Variants in PCDH15 observed in about 807,000 individuals in gnomAD.
The protein encoded by PCDH15 is protocadherin related 15.
PCDH15 carries 129 observed loss-of-function variants against 178.5 expected under a neutral mutation model. The observed-to-expected ratio is 0.72, with a 90% CI of 0.63 to 0.84. The LOEUF (loss-of-function observed/expected upper bound fraction) is 0.84, where lower values mean the gene tolerates loss of function less well. Among genes scored for constraint, PCDH15 ranks in the 40% least tolerant of loss-of-function variants. The probability of loss-of-function intolerance (pLI) is 0.00; values close to 1 mark genes in which losing one functional copy is unlikely to be tolerated. For missense variants in PCDH15, 2,230 were observed against 2,099.9 expected (o/e 1.06, Z -1.21); for synonymous variants, 800 against 732.0 (o/e 1.09, Z -1.50).
At chr10:54,309,716 A>G (rs2060783391) in intron 8 of PCDH15, among the ~76,000 whole-genome samples, 1 of 152,030 alleles carries the variant, frequency 6.6e-6, no homozygotes, top group African/African-American at 2.4e-5. Flanking sequence ...GAATCACTTG[A>G]ACACAGGAGG....
intron 2 of PCDH15, among the ~76,000 whole-genome samples, chr10:54,942,277 A>G (rs1838082451): frequency 6.6e-6 from 1 of 152,044 alleles, no homozygotes; most frequent in African/African-American, 2.4e-5. Flanking sequence ...ATGCTTTGCC[A>G]TTCTGAGGGA....
At chr10:54,465,631 C>T (rs2077467732) in intron 3 of PCDH15, among the ~76,000 whole-genome samples, 1 of 151,736 alleles carries the variant, frequency 6.6e-6, no homozygotes, top group Non-Finnish European at 1.5e-5. Context: ...TCTTCTTTAC[C>T]CATTTGTTGG....
intron 5 of PCDH15, among the ~76,000 whole-genome samples, chr10:54,367,299 C>G (rs565789750): frequency 1.3e-5 from 2 of 151,882 alleles, no homozygotes; most frequent in Admixed American, 6.6e-5. Context: ...CTTTTGACAC[C>G]CGACAATAAT....
chr10:54,002,647 A>C (rs533155243), intron 20 of PCDH15, among the ~76,000 whole-genome samples: 1 of 152,320 alleles, frequency 6.6e-6, no homozygotes, highest in African/African-American at 2.4e-5. Flanking sequence ...ACCAAATGAT[A>C]ATGAAAATAC....
At chr10:55,541,571 T>G (rs1170714843) in intron 2 of PCDH15, among the ~76,000 whole-genome samples, 1 of 151,942 alleles carries the variant, frequency 6.6e-6, no homozygotes, top group Non-Finnish European at 1.5e-5. Context: ...TTTATATTAT[T>G]CTTTAGAAAA....
intron 3 of PCDH15, among the ~76,000 whole-genome samples, chr10:54,889,553 C>T (rs953898416): frequency 6.8e-5 from 10 of 146,030 alleles, no homozygotes; most frequent in Non-Finnish European, 1.4e-4. Flanking sequence ...AGTACAGAGG[C>T]TCTTTAATTC....
chr10:55,235,571 A>G (rs529037081), intron 1 of PCDH15, among the ~76,000 whole-genome samples: 2 of 152,148 alleles, frequency 1.3e-5, no homozygotes, highest in East Asian at 3.9e-4. Context: ...CTATGCTCAC[A>G]TTGCCCAAAC....
In PCDH15 at chr10:54,936,716, G is replaced by GT. The variant is rs113034733; in HGVS notation, c.-79-39217dup. Among the ~76,000 whole-genome samples, 615 of 140,290 alleles carry GT rather than the reference G, an allele frequency of 4.4e-3. 1 individual carries two copies. Among genetic ancestry groups the GT allele is most frequent in the African/African-American group, 0.012 (479 of 38,394 alleles). 92.0% of individuals were successfully genotyped at this position (140,290 alleles called of 152,430 possible). ...TATTACTTTTTTGCACATTTTTATTGTTTTTTTTTTTAGTTTTTAGTTTTA... is the reference window on the plus strand; with the variant it reads ...TATTACTTTTTTGCACATTTTTATTGTTTTTTTTTTTTAGTTTTTAGTTTTA... On this transcript the variant is annotated intron_variant, in intron 2 of 5. Coordinates refer to the PCDH15 transcript ENST00000458638.
In PCDH15 at chr10:54,981,978, T is replaced by C. The variant is rs559425095; in HGVS notation, c.-79-84478A>G. Among the ~76,000 whole-genome samples, 5 of 152,032 alleles carry C rather than the reference T, an allele frequency of 3.3e-5. No individual in the cohort carries two copies. The South Asian group carries it at 8.3e-4, about 25-fold the overall frequency. On this transcript the variant is annotated intron_variant, in intron 2 of 5. Coordinates refer to the PCDH15 transcript ENST00000458638. ...ATAGAAGAGACTTCACTTTGTTGAT[T>C]AGGCTCTTCTCAAACTTCTAGGCTC...
chr10:54,517,944 C>T (rs1201802026), intron 3 of PCDH15, among the ~76,000 whole-genome samples: 1 of 152,158 alleles, frequency 6.6e-6, no homozygotes, highest in Admixed American at 6.6e-5. Flanking sequence ...AACTGAACAA[C>T]CTGCTCCTGA....
At chr10:54,853,422 T>TATATATACACATACAC (rs1953677939) in intron 3 of PCDH15, among the ~76,000 whole-genome samples, 3 of 138,292 alleles carry the variant, frequency 2.2e-5, no homozygotes, top group Non-Finnish European at 4.6e-5. Flanking sequence ...TACACATACA[T>TATATATACACATACAC]ATATATATAC....
At chr10:54,587,545 A>AG (rs2091579138) in intron 2 of PCDH15, among the ~76,000 whole-genome samples, 1 of 151,834 alleles carries the variant, frequency 6.6e-6, no homozygotes, top group African/African-American at 2.4e-5. Context: ...AAAAAAAAAA[A>AG]GACTTACATT....
chr10:54,091,602 A>G (rs7080752), intron 15 of PCDH15, among the ~76,000 whole-genome samples: 4,691 of 152,304 alleles, frequency 0.031, 78 homozygotes, highest in East Asian at 0.043. Flanking sequence ...ACTGAAAATA[A>G]TATTTCAGTC....
At chr10:54,214,717 A>G (rs1441021545) in intron 9 of PCDH15, among the ~76,000 whole-genome samples, 1 of 152,038 alleles carries the variant, frequency 6.6e-6, no homozygotes, top group East Asian at 1.9e-4. Context: ...TCAGCCCCCA[A>G]ATAGCTGGGA....
rs1449385557 is a variant in PCDH15, at chr10:54,242,128, TTTTATATATATATATATATATA to T, written c.877-5219_877-5198del. On this transcript the variant is annotated intron_variant, in intron 8 of 37. Transcript: ENST00000644397. ...AATGAACTTTTGGTCTGAATTCTAT[TTTTATATATATATATATATATA>T]TATATATATATATATATATATATAT... 5.0e-3 allele frequency among the ~76,000 whole-genome samples: 310 copies of T among 61,990 alleles called. 13 individuals carry two copies. Among genetic ancestry groups the T allele is most frequent in the Middle Eastern group, 0.012 (1 of 86 alleles). 40.7% of individuals were successfully genotyped at this position (61,990 alleles called of 152,430 possible). A position where few individuals can be genotyped will look rare whatever the true frequency, so the allele number is the denominator to read the frequency against.
rs749794539 is a variant in PCDH15 at position 54,317,256 on chromosome 10, TAA to T, written c.876+13_876+14del. 5.8e-5 allele frequency: 94 copies of T among 1,609,232 alleles called. No homozygotes were observed. The highest frequency in any genetic ancestry group is 7.8e-5 in the Non-Finnish European group (92 of 1,175,826). ...AAACATGCAAATAAATGGAGAAAGA[TAA>T]GAGTATATTTACCGGAGTTCTCAAC... is the stretch of plus-strand genomic sequence containing the variant. On this transcript the variant is annotated intron_variant, in intron 8 of 37. Coordinates refer to ENST00000644397, the MANE Select transcript of PCDH15 (RefSeq NM_001384140.1).
At chr10:55,030,171 G>T (rs1265916451) in intron 2 of PCDH15, among the ~76,000 whole-genome samples, 1 of 152,114 alleles carries the variant, frequency 6.6e-6, no homozygotes, top group Non-Finnish European at 1.5e-5. Context: ...GTAGGCAGGT[G>T]GTGTAAATTA....
Position 54,348,313 on chromosome 10 carries a change from C to T in PCDH15, c.475-1829G>A, listed in dbSNP as rs116888317. On this transcript the variant is annotated intron_variant, in intron 5 of 37. Coordinates refer to ENST00000644397, the MANE Select transcript of PCDH15 (RefSeq NM_001384140.1). Reference sequence around the variant, plus strand: ...GTTCAGGATTTATAAGGCCCAGTTTCCTAGCAGGCAGCATTGAAGGCAAAC... The same window carrying T: ...GTTCAGGATTTATAAGGCCCAGTTTTCTAGCAGGCAGCATTGAAGGCAAAC... Among the ~76,000 whole-genome samples, 945 of 152,222 alleles carry T rather than the reference C, an allele frequency of 6.2e-3. 3 individuals carry two copies. Among genetic ancestry groups the T allele is most frequent in the Non-Finnish European group, 0.011 (724 of 68,012 alleles).
At chr10:55,137,821 G>A (rs894587703) in intron 2 of PCDH15, among the ~76,000 whole-genome samples, 8 of 152,072 alleles carry the variant, frequency 5.3e-5, no homozygotes, top group Non-Finnish European at 1.2e-4. Flanking sequence ...ACAGGAGTTA[G>A]GAGAATAAAA....
Sources: gnomAD v4.1 joint callset for allele counts (sites outside exome capture counted in the v4.1 genomes callset) on GRCh38, gnomAD v4.1.1 for gene constraint, MANE v1.5 for transcripts, NCBI Gene and HGNC (gene_info 2026-07-23, HGNC 2026-07-21) for gene names.